SGCD: variants seen among roughly 807,000 people sequenced by gnomAD.
The protein encoded by SGCD is delta-sarcoglycan.
SGCD carries 18 observed loss-of-function variants against 36.6 expected under a neutral mutation model. The observed-to-expected ratio is 0.49, with a 90% CI of 0.34 to 0.73. The LOEUF is 0.73. Ranked by LOEUF, SGCD falls within the 30% of genes least tolerant of loss-of-function variation. The probability of loss-of-function intolerance (pLI) is 0.01; values close to 1 mark genes in which losing one functional copy is unlikely to be tolerated. For synonymous variants in SGCD, 133 were observed against 130.6 expected, an observed-to-expected ratio of 1.02 and a Z score of -0.12; for missense variants, 387 against 346.7, an observed-to-expected ratio of 1.12 and a Z score of -0.92.
chr5:156,230,130 G>A (rs531519176), intron 3 of SGCD, among the ~76,000 whole-genome samples: 1 of 151,834 alleles, frequency 6.6e-6, no homozygotes, highest in Non-Finnish European at 1.5e-5. Context: ...CCTTTCTCTG[G>A]TGCTTCCCTG....
At chr5:156,677,229 G>A (rs536309604) in intron 7 of SGCD, among the ~76,000 whole-genome samples, 23 of 152,186 alleles carry the variant, frequency 1.5e-4, no homozygotes, top group African/African-American at 1.9e-4. Context: ...TGTTTATTGC[G>A]GCACTATTCA....
chr5:156,522,291 A>G (rs1344230762), intron 4 of SGCD, among the ~76,000 whole-genome samples: 1 of 152,170 alleles, frequency 6.6e-6, no homozygotes, highest in South Asian at 2.1e-4. Context: ...ATGTATACCT[A>G]TGTATCAAAC....
chr5:156,269,478 A>C, intron 3 of SGCD, among the ~76,000 whole-genome samples: 1 of 127,802 alleles, frequency 7.8e-6, no homozygotes, highest in African/African-American at 3.6e-5. Flanking sequence ...TCAAAAAAAA[A>C]AAAAAAAAAA....
chr5:156,117,824 T>C (rs947763856), intron 1 of SGCD: 4 of 152,162 alleles, frequency 2.6e-5, no homozygotes, highest in Non-Finnish European at 5.9e-5. Context: ...TCCTTGTTGA[T>C]AGTCTCCTAG....
intron 1 of SGCD, among the ~76,000 whole-genome samples, chr5:155,928,540 C>T (rs184726728): frequency 6.6e-6 from 1 of 151,738 alleles, no homozygotes; most frequent in East Asian, 1.9e-4. Context: ...CGGTGGTGCA[C>T]ACCTGTAATC....
chr5:155,881,790 C>T (rs974127579), intron 1 of SGCD, among the ~76,000 whole-genome samples: 16 of 152,172 alleles, frequency 1.1e-4, no homozygotes, highest in African/African-American at 3.6e-4. Context: ...TTTCTAAACC[C>T]TTTGTTGTCA....
chr5:156,007,242 A>G (rs911299711), intron 1 of SGCD, among the ~76,000 whole-genome samples: 2 of 151,956 alleles, frequency 1.3e-5, no homozygotes, highest in African/African-American at 4.8e-5. Flanking sequence ...CCCTCACCAC[A>G]CTGGGTGATA....
At chr5:156,510,879 T>A (rs969754395) in intron 4 of SGCD, among the ~76,000 whole-genome samples, 1 of 152,226 alleles carries the variant, frequency 6.6e-6, no homozygotes, top group African/African-American at 2.4e-5. Flanking sequence ...GAAATGTGTT[T>A]TAGAAGACTT....
chr5:156,417,486 C>G (rs962259526), intron 3 of SGCD, among the ~76,000 whole-genome samples: 1 of 152,082 alleles, frequency 6.6e-6, no homozygotes, highest in African/African-American at 2.4e-5. Context: ...TCTGCTTGGG[C>G]TGCCATAACA....
At chr5:156,533,793 C>T (rs1561760692) in intron 4 of SGCD, among the ~76,000 whole-genome samples, 2 of 152,140 alleles carry the variant, frequency 1.3e-5, no homozygotes. Context: ...ATTCTATATT[C>T]AATTTGCCTT....
At chr5:156,751,828 G>T (rs576630465) in intron 7 of SGCD, among the ~76,000 whole-genome samples, 4 of 152,320 alleles carry the variant, frequency 2.6e-5, no homozygotes, top group African/African-American at 9.6e-5. Context: ...ACACTAGTGG[G>T]AAAGTCAGTT....
intron 6 of SGCD, among the ~76,000 whole-genome samples, chr5:156,605,926 T>C (rs143543864): frequency 0.036 from 5,421 of 152,314 alleles, 321 homozygotes; most frequent in African/African-American, 0.12. Context: ...TTGGAGTTCA[T>C]TGCAGATTCT....
the SGCD span, among the ~76,000 whole-genome samples, chr5:155,748,221 T>C: frequency 6.6e-6 from 1 of 152,194 alleles, no homozygotes; most frequent in Non-Finnish European, 1.5e-5. Context: ...CCCTTTCTTA[T>C]TATGGTAATC....
the SGCD span, among the ~76,000 whole-genome samples, chr5:155,745,556 A>AT: frequency 2.6e-5 from 4 of 152,040 alleles, no homozygotes; most frequent in Non-Finnish European, 4.4e-5. Context: ...TTTATTTAAT[A>AT]TTTTTTTCTT....
chr5:155,767,540 G>C, the SGCD span, among the ~76,000 whole-genome samples: 2 of 152,024 alleles, frequency 1.3e-5, no homozygotes, highest in South Asian at 4.1e-4. Context: ...TGTTTTTAAG[G>C]AACAGCAGTT....
intron 7 of SGCD, among the ~76,000 whole-genome samples, chr5:156,671,686 G>A (rs992565051): frequency 6.6e-6 from 1 of 152,200 alleles, no homozygotes; most frequent in African/African-American, 2.4e-5. Flanking sequence ...GGATTTTTAG[G>A]TGGATGCTTT....
intron 1 of SGCD, among the ~76,000 whole-genome samples, chr5:155,898,829 C>T (rs1756324330): frequency 6.6e-6 from 1 of 152,164 alleles, no homozygotes; most frequent in African/African-American, 2.4e-5. Flanking sequence ...TAACACACTT[C>T]TCTCCATTTA....
At chr5:156,341,980 GGGATTACA>G (rs1203814447) in intron 2 of SGCD, among the ~76,000 whole-genome samples, 1 of 152,180 alleles carries the variant, frequency 6.6e-6, no homozygotes, top group African/African-American at 2.4e-5. Flanking sequence ...CCAAAGTGCT[GGGATTACA>G]GGTGTGAGCC....
At chr5:155,854,835 T>C in the SGCD span, among the ~76,000 whole-genome samples, 1 of 152,162 alleles carries the variant, frequency 6.6e-6, no homozygotes, top group Non-Finnish European at 1.5e-5. Context: ...CCTGGTAATG[T>C]ACCAAAGCTT....
Sources: gnomAD v4.1 joint callset for allele counts (sites outside exome capture counted in the v4.1 genomes callset) on GRCh38, gnomAD v4.1.1 for gene constraint, MANE v1.5 for transcripts, NCBI Gene and HGNC (gene_info 2026-07-23, HGNC 2026-07-21) for gene names.